Variants in CSNK1D observed in about 807,000 individuals in gnomAD.
CSNK1D encodes casein kinase 1 delta.
In CSNK1D, 16 loss-of-function variants were observed where a neutral mutation model predicts 46.6. The observed-to-expected ratio is 0.34, with a 90% CI of 0.23 to 0.52. The LOEUF (loss-of-function observed/expected upper bound fraction) is 0.52, where lower values mean the gene tolerates loss of function less well. CSNK1D is among the 20% of genes least tolerant of loss of function. CSNK1D has a pLI of 0.95. For missense variants in CSNK1D, 398 were observed against 578.4 expected, an observed-to-expected ratio of 0.69 and a Z score of 3.20; for synonymous variants, 276 against 228.2, an observed-to-expected ratio of 1.21 and a Z score of -1.89.
At chr17:82,260,755 G>GAT (rs1312351466) in intron 2 of CSNK1D, 2 of 157,452 alleles carry the variant, frequency 1.3e-5, no homozygotes, top group African/African-American at 5.1e-5. Context: ...TGTGACTGAT[G>GAT]GTATACTGAC....
At chr17:82,258,099 C>T (rs1164435124) in intron 2 of CSNK1D, among the ~76,000 whole-genome samples, 7 of 149,850 alleles carry the variant, frequency 4.7e-5, no homozygotes, top group Non-Finnish European at 8.9e-5. Flanking sequence ...CCCAGCTACT[C>T]GGGAGGCTAA....
chr17:82,250,294 G>A lies in CSNK1D; in HGVS notation c.886-692C>T, dbSNP rs952579404. The A allele has an allele frequency of 4.0e-6, 4 of 992,408 alleles. No individual in the cohort carries two copies. Among genetic ancestry groups the A allele is most frequent in the Non-Finnish European group, 5.5e-6 (4 of 721,348 alleles). 61.5% of individuals were successfully genotyped at this position (992,408 alleles called of 1,614,324 possible). A position where few individuals can be genotyped will look rare whatever the true frequency, so the allele number is the denominator to read the frequency against. On this transcript the variant is annotated intron_variant, in intron 6 of 8. Coordinates refer to ENST00000314028, the MANE Select transcript of CSNK1D (RefSeq NM_001893.6). This position sits in a 1 kb window ranked among gnomAD's most constrained non-coding sequence, Gnocchi z 4.6. ...CTGCAAGTACAGCTCATTGGACACA[G>A]CCACGTTCACCAGGCAACACACAGA...
Position 82,273,672 on chromosome 17 carries a change from G to A in CSNK1D, c.-291C>T. ...TCCGGGCCTAAATCCCCTTTCAGCT[G>A]CCTAAAGGAGCCGCCGCCATCGCGC... On this transcript the variant is annotated 5_prime_UTR_variant, in exon 1 of 9. Coordinates refer to ENST00000314028, the MANE Select transcript of CSNK1D (RefSeq NM_001893.6). This position sits in a 1 kb window ranked among gnomAD's most constrained non-coding sequence, Gnocchi z 5.1. 1 of 513,584 alleles carries A rather than the reference G, an allele frequency of 1.9e-6. No homozygotes were observed. The highest frequency in any genetic ancestry group is 3.4e-6 in the Non-Finnish European group (1 of 294,098). The allele number at this position is 513,584 out of a possible 1,614,324, so 31.8% of individuals were successfully genotyped here. A position where few individuals can be genotyped will look rare whatever the true frequency, so the allele number is the denominator to read the frequency against.
chr17:82,242,179 C>G (rs189762190), downstream of CSNK1D, among the ~76,000 whole-genome samples: 806 of 144,906 alleles, frequency 5.6e-3, 10 homozygotes, highest in African/African-American at 0.02. Flanking sequence ...ACAGCCCCCG[C>G]AGGCCTTGGA....
At chr17:82,246,940 A>G (rs1032733958) in intron 8 of CSNK1D, 2 of 985,390 alleles carry the variant, frequency 2.0e-6, no homozygotes, top group Non-Finnish European at 2.4e-6. Context: ...TTGGGATTCA[A>G]AACGGGAGCT....
chr17:82,269,832 C>T (rs535727072), intron 1 of CSNK1D, among the ~76,000 whole-genome samples: 34 of 152,374 alleles, frequency 2.2e-4, no homozygotes, highest in African/African-American at 7.7e-4. Flanking sequence ...AGTCCTCTTC[C>T]GCCAGACACC....
chr17:82,242,051 T>C (rs985061860), downstream of CSNK1D, among the ~76,000 whole-genome samples: 2 of 11,206 alleles, frequency 1.8e-4, no homozygotes, highest in African/African-American at 3.8e-4. Flanking sequence ...TGGAGAGTAC[T>C]GGGTGGAGGT....
intron 8 of CSNK1D, chr17:82,246,710 CCCAGCCACGG>C: frequency 1.0e-6 from 1 of 992,868 alleles, no homozygotes; most frequent in Non-Finnish European, 1.2e-6. Flanking sequence ...CCCATCCACA[CCCAGCCACGG>C]CCAGCAAGCC....
chr17:82,257,911 C>T (rs1288261056), intron 2 of CSNK1D, among the ~76,000 whole-genome samples: 2 of 152,098 alleles, frequency 1.3e-5, no homozygotes, highest in Non-Finnish European at 2.9e-5. Flanking sequence ...GACTGTATTC[C>T]ACCGTCGAAA....
Position 82,248,748 on chromosome 17 carries a change from C to A in CSNK1D, c.1197+127G>T, listed in dbSNP as rs764911172. 1.3e-6 allele frequency: 2 copies of A among 1,510,554 alleles called. No homozygotes were observed. The highest frequency in any genetic ancestry group is 4.9e-5 in the East Asian group (2 of 40,474). 93.6% of individuals were successfully genotyped at this position (1,510,554 alleles called of 1,614,324 possible). On this transcript the variant is annotated intron_variant, in intron 8 of 8. Transcript: ENST00000314028. The surrounding 1 kb of genome is among the most constrained non-coding windows in gnomAD (Gnocchi z 4.1). ...CTGCAACCAAGACGCCACACCCTGGCGAGATTAAAAACTCTCAAAAATGGG... is the reference window on the plus strand; with the variant it reads ...CTGCAACCAAGACGCCACACCCTGGAGAGATTAAAAACTCTCAAAAATGGG...
At chr17:82,261,641 A>G (rs899669491) in intron 2 of CSNK1D, among the ~76,000 whole-genome samples, 13 of 152,230 alleles carry the variant, frequency 8.5e-5, no homozygotes, top group Non-Finnish European at 1.8e-4. Flanking sequence ...ACAAAAACTT[A>G]CAAACAGGTG....
chr17:82,273,557 G>A lies in CSNK1D; in HGVS notation c.-176C>T, dbSNP rs961915829. The A allele has an allele frequency of 9.1e-6, 7 of 769,738 alleles. No homozygotes were observed. Among genetic ancestry groups the A allele is most frequent in the Middle Eastern group, 3.7e-4 (1 of 2,668 alleles). 47.7% of individuals were successfully genotyped at this position (769,738 alleles called of 1,614,324 possible). On this transcript the variant is annotated 5_prime_UTR_variant, in exon 1 of 9. Coordinates refer to ENST00000314028, the MANE Select transcript of CSNK1D (RefSeq NM_001893.6). This position sits in a 1 kb window ranked among gnomAD's most constrained non-coding sequence, Gnocchi z 5.1. The stretch of plus-strand genomic sequence containing the variant: ...CGCCGCTCCCAGCGCCTCAATACGG[G>A]GCGGATGGGACAGTCCGAGCGCCGC...
downstream of CSNK1D, chr17:82,240,150 T>C (rs1478759730): frequency 1.9e-6 from 2 of 1,029,340 alleles, no homozygotes; most frequent in African/African-American, 1.7e-5. Flanking sequence ...GCTTGAGCTC[T>C]TGCAGCCCAG....
chr17:82,269,307 G>A (rs762233838), intron 1 of CSNK1D, among the ~76,000 whole-genome samples: 3 of 152,066 alleles, frequency 2.0e-5, no homozygotes, highest in African/African-American at 4.8e-5. Flanking sequence ...GCAGTACCAC[G>A]ACTTCTCATT....
At position 82,253,263 on chromosome 17, in the gene CSNK1D, C is replaced by A. The variant is rs111560395; in HGVS notation, c.337-19G>T. Reference sequence around the variant, plus strand: ...GACTGATCTGTGAGCAGAGCAAGGGCGCGAGATGGCACCCCAGGGCAGTCT... The same window carrying A: ...GACTGATCTGTGAGCAGAGCAAGGGAGCGAGATGGCACCCCAGGGCAGTCT... On this transcript the variant is annotated intron_variant, in intron 3 of 8. Coordinates refer to ENST00000314028, the MANE Select transcript of CSNK1D (RefSeq NM_001893.6). 1 of 1,599,724 alleles carries A rather than the reference C, an allele frequency of 6.3e-7. No homozygotes were observed. The highest frequency in any genetic ancestry group is 1.3e-5 in the African/African-American group (1 of 74,708).
intron 2 of CSNK1D, among the ~76,000 whole-genome samples, chr17:82,257,389 C>A (rs1019311598): frequency 3.3e-5 from 5 of 152,042 alleles, no homozygotes; most frequent in African/African-American, 1.2e-4. Flanking sequence ...CAGTATCTTA[C>A]ATTAAAAAAA....
In CSNK1D at chr17:82,251,635, G is replaced by A; in HGVS notation, c.737-108C>T. The A allele has an allele frequency of 8.9e-7, 1 of 1,120,798 alleles. No homozygotes were observed. The allele number at this position is 1,120,798 out of a possible 1,614,324, so 69.4% of individuals were successfully genotyped here. On this transcript the variant is annotated intron_variant, in intron 5 of 8. Transcript: ENST00000314028. The surrounding 1 kb of genome is among the most constrained non-coding windows in gnomAD (Gnocchi z 4.5). ...TGCTGCTGCACACTCAAGGGGAGAAGGACAGATGCAAAACACCTGTCAGAT... is the reference window on the plus strand; with the variant it reads ...TGCTGCTGCACACTCAAGGGGAGAAAGACAGATGCAAAACACCTGTCAGAT...
In CSNK1D at chr17:82,250,319, A is replaced by C. The variant is rs1599584238; in HGVS notation, c.886-717T>G. 1 of 686,478 alleles carries C rather than the reference A, an allele frequency of 1.5e-6. No homozygotes were observed. The highest frequency in any genetic ancestry group is 1.6e-5 in the South Asian group (1 of 64,428). The allele number at this position is 686,478 out of a possible 1,614,324, so 42.5% of individuals were successfully genotyped here. A position where few individuals can be genotyped will look rare whatever the true frequency, so the allele number is the denominator to read the frequency against. ...GCCACGTTCACCAGGCAACACACAG[A>C]CCGACACACCTGCGGCTGCAGCACC... On this transcript the variant is annotated intron_variant, in intron 6 of 8. Coordinates refer to ENST00000314028, the MANE Select transcript of CSNK1D (RefSeq NM_001893.6). The surrounding 1 kb of genome is among the most constrained non-coding windows in gnomAD (Gnocchi z 4.6).
rs577779515 is a variant in CSNK1D, at chr17:82,250,433, C to T, written c.886-831G>A. On this transcript the variant is annotated intron_variant, in intron 6 of 8. Transcript: ENST00000314028. This position sits in a 1 kb window ranked among gnomAD's most constrained non-coding sequence, Gnocchi z 4.6. ...TCTGAGGGCCGGGTGACTCTAATGC[C>T]GCAGGAGGGTCGCTCTGATTCCTCC... 50 of 345,034 alleles carry T rather than the reference C, an allele frequency of 1.4e-4. No homozygotes were observed. The highest frequency in any genetic ancestry group is 9.5e-4 in the African/African-American group (44 of 46,386). The allele number at this position is 345,034 out of a possible 1,614,324, so 21.4% of individuals were successfully genotyped here. A position where few individuals can be genotyped will look rare whatever the true frequency, so the allele number is the denominator to read the frequency against.
Sources: gnomAD v4.1 joint callset for allele counts (sites outside exome capture counted in the v4.1 genomes callset) on GRCh38, gnomAD v4.1.1 for gene constraint, Gnocchi (gnomAD v3.1) non-coding constraint, MANE v1.5 for transcripts, NCBI Gene and HGNC (gene_info 2026-07-23, HGNC 2026-07-21) for gene names.